The following ERBB4 variants were observed in gnomAD, a reference collection of about 807,000 sequenced individuals.
ERBB4 encodes the protein erb-b2 receptor tyrosine kinase 4.
Under a neutral mutation model 158.0 loss-of-function variants are expected in ERBB4, and 42 were observed. That is an observed-to-expected ratio of 0.27 (90% confidence interval 0.21 to 0.34). The LOEUF is 0.34. Among genes scored for constraint, ERBB4 ranks in the 10% least tolerant of loss-of-function variants. The pLI is 1.00. For missense variants in ERBB4, 1,333 were observed against 1,624.1 expected, an observed-to-expected ratio of 0.82 and a Z score of 3.08; for synonymous variants, 583 against 558.7, an observed-to-expected ratio of 1.04 and a Z score of -0.61.
At chr2:212,343,155 T>G (rs2088805870) in intron 1 of ERBB4, among the ~76,000 whole-genome samples, 1 of 152,138 alleles carries the variant, frequency 6.6e-6, no homozygotes, top group Admixed American at 6.5e-5. Context: ...CTTTGGAACA[T>G]CATTCAACAT....
At chr2:212,421,007 T>C (rs1185550847) in intron 1 of ERBB4, among the ~76,000 whole-genome samples, 2 of 152,166 alleles carry the variant, frequency 1.3e-5, no homozygotes, top group Non-Finnish European at 1.5e-5. Flanking sequence ...TTCTAGAAGT[T>C]ATAAATATGC....
At chr2:212,260,822 A>T (rs1316355919) in intron 1 of ERBB4, among the ~76,000 whole-genome samples, 1 of 149,550 alleles carries the variant, frequency 6.7e-6, no homozygotes, top group African/African-American at 2.5e-5. Flanking sequence ...CAAAAAAATA[A>T]AAAAAAAAAG....
At position 212,510,693 on chromosome 2, in the gene ERBB4, T is replaced by G. The variant is rs553506369; in HGVS notation, c.82+27756A>C. Among the ~76,000 whole-genome samples the G allele has an allele frequency of 2.0e-5, 3 of 152,202 alleles. No individual in the cohort carries two copies. In the East Asian group the frequency reaches 5.8e-4, roughly 29 times the overall value. ...TCAAAATTTGTACATTATACTTATC[T>G]GATTGAAAAGCCTAACATCCTATCA... On this transcript the variant is annotated intron_variant, in intron 1 of 27. Coordinates refer to ENST00000342788, the MANE Select transcript of ERBB4 (RefSeq NM_005235.3).
chr2:211,645,410 T>A (rs912072476), intron 16 of ERBB4, among the ~76,000 whole-genome samples: 2 of 151,714 alleles, frequency 1.3e-5, no homozygotes, highest in African/African-American at 4.8e-5. Flanking sequence ...AAAGCCATCC[T>A]GTGAATTGTT....
chr2:212,121,630 C>T (rs2079751580), intron 2 of ERBB4, among the ~76,000 whole-genome samples: 1 of 152,186 alleles, frequency 6.6e-6, no homozygotes. Flanking sequence ...AATATCTCCA[C>T]CATCGACGTT....
chr2:212,205,430 A>C (rs935406065), intron 1 of ERBB4, among the ~76,000 whole-genome samples: 2 of 152,212 alleles, frequency 1.3e-5, no homozygotes, highest in Admixed American at 1.3e-4. Context: ...AAAAAGTAAA[A>C]GCACTAGGTA....
chr2:212,256,593 T>C (rs2084748131), intron 1 of ERBB4, among the ~76,000 whole-genome samples: 1 of 152,174 alleles, frequency 6.6e-6, no homozygotes, highest in South Asian at 2.1e-4. Context: ...TTAAGCACTA[T>C]GCTATGTGCT....
intron 15 of ERBB4, among the ~76,000 whole-genome samples, chr2:211,658,472 T>C (rs2071302437): frequency 6.6e-6 from 1 of 152,132 alleles, no homozygotes; most frequent in Non-Finnish European, 1.5e-5. Flanking sequence ...TGGCAGAAAA[T>C]GAGTCAACAT....
intron 1 of ERBB4, among the ~76,000 whole-genome samples, chr2:212,126,560 C>T (rs929090674): frequency 1.3e-5 from 2 of 151,572 alleles, no homozygotes; most frequent in African/African-American, 4.8e-5. Flanking sequence ...ACACAATCTT[C>T]ACCACTTAAT....
chr2:212,041,344 T>TA (rs74421937), intron 2 of ERBB4, among the ~76,000 whole-genome samples: 3 of 151,726 alleles, frequency 2.0e-5, no homozygotes. Flanking sequence ...CTAATGAGTA[T>TA]AAAAAAAATT....
intron 3 of ERBB4, among the ~76,000 whole-genome samples, chr2:211,888,000 A>G (rs1403188725): frequency 6.6e-6 from 1 of 152,220 alleles, no homozygotes; most frequent in Non-Finnish European, 1.5e-5. Flanking sequence ...ATAGACCATT[A>G]TAACCATCAT....
chr2:212,058,507 A>G (rs2077653800), intron 2 of ERBB4, among the ~76,000 whole-genome samples: 1 of 152,208 alleles, frequency 6.6e-6, no homozygotes, highest in South Asian at 2.1e-4. Flanking sequence ...TTTTAGACCA[A>G]TATCCCTGAT....
At chr2:211,742,333 T>C (rs1559477813) in intron 5 of ERBB4, among the ~76,000 whole-genome samples, 1 of 152,236 alleles carries the variant, frequency 6.6e-6, no homozygotes, top group Non-Finnish European at 1.5e-5. Flanking sequence ...AATTAGTTTA[T>C]TATCCAAATA....
At position 211,665,544 on chromosome 2, in the gene ERBB4, T is replaced by C. The variant is rs2071599152; in HGVS notation, c.1717-67A>G. 1.6e-5 allele frequency: 24 copies of C among 1,504,818 alleles called. No homozygotes were observed. The South Asian group carries it at 2.6e-4, about 16-fold the overall frequency. The allele number at this position is 1,504,818 out of a possible 1,614,324, so 93.2% of individuals were successfully genotyped here. On this transcript the variant is annotated intron_variant, in intron 14 of 27. Transcript: ENST00000342788. ...TGTCATTTCCTCTGGAATGTATTCATGTGGTTTAGTTACTGAGACTTCAGT... is the reference window on the plus strand; with the variant it reads ...TGTCATTTCCTCTGGAATGTATTCACGTGGTTTAGTTACTGAGACTTCAGT...
intron 1 of ERBB4, among the ~76,000 whole-genome samples, chr2:212,258,319 C>G (rs1247264100): frequency 6.6e-6 from 1 of 151,744 alleles, no homozygotes; most frequent in South Asian, 2.1e-4. Context: ...AGAAAATAAT[C>G]TGAATCTATA....
At chr2:212,443,273 C>A (rs1364848336) in intron 1 of ERBB4, among the ~76,000 whole-genome samples, 3 of 152,208 alleles carry the variant, frequency 2.0e-5, no homozygotes, top group Non-Finnish European at 4.4e-5. Flanking sequence ...TGGTCCATTA[C>A]ATTCATGACA....
rs1297485889 is a variant in ERBB4 at position 212,323,942 on chromosome 2, C to G, written c.83-199039G>C. Among the ~76,000 whole-genome samples the G allele has an allele frequency of 1.1e-4, 16 of 150,436 alleles. 1 individual carries two copies. The highest frequency in any genetic ancestry group is 2.2e-4 in the Non-Finnish European group (15 of 67,150). On this transcript the variant is annotated intron_variant, in intron 1 of 27. Transcript: ENST00000342788. Reference sequence around the variant, plus strand: ...CTGGTTGCCCAGTCCGGAGCCATGCCCACCACACCTCACGCCTTAGTTTGC... The same window carrying G: ...CTGGTTGCCCAGTCCGGAGCCATGCGCACCACACCTCACGCCTTAGTTTGC...
intron 1 of ERBB4, among the ~76,000 whole-genome samples, chr2:212,387,499 C>T (rs1434913467): frequency 6.6e-6 from 1 of 150,918 alleles, no homozygotes; most frequent in African/African-American, 2.4e-5. Context: ...CTCACTGAAA[C>T]CTCTGCCTCC....
chr2:211,745,258 G>A (rs775806308), intron 5 of ERBB4, among the ~76,000 whole-genome samples: 15 of 152,276 alleles, frequency 9.9e-5, no homozygotes, highest in East Asian at 1.9e-4. Flanking sequence ...GGAATCTCTC[G>A]TGAGAGCTAA....
Sources: gnomAD v4.1 joint callset for allele counts (sites outside exome capture counted in the v4.1 genomes callset) on GRCh38, gnomAD v4.1.1 for gene constraint, MANE v1.5 for transcripts, NCBI Gene and HGNC (gene_info 2026-07-23, HGNC 2026-07-21) for gene names.